Variants in NCKAP5 observed in about 807,000 individuals in gnomAD.
NCKAP5 encodes NCK associated protein 5.
Under a neutral mutation model 167.0 loss-of-function variants are expected in NCKAP5, and 92 were observed. The ratio of observed to expected loss-of-function variants is 0.55; its 90% CI spans 0.47 to 0.66. The LOEUF (loss-of-function observed/expected upper bound fraction) is 0.66. NCKAP5 is among the 30% of genes least tolerant of loss of function. NCKAP5 has a pLI of 0.00. For synonymous variants in NCKAP5, 891 were observed against 877.4 expected (o/e 1.02, Z -0.27); for missense variants, 2,378 against 2,315.0 (o/e 1.03, Z -0.56).
At chr2:132,881,629 G>T (rs928639944) in intron 8 of NCKAP5, among the ~76,000 whole-genome samples, 1 of 146,094 alleles carries the variant, frequency 6.8e-6, no homozygotes, top group Non-Finnish European at 1.5e-5. Context: ...GGCTTCTCTG[G>T]AGCTCCCTCA....
intron 11 of NCKAP5, among the ~76,000 whole-genome samples, chr2:132,805,193 A>G (rs2105227172): frequency 6.6e-6 from 1 of 152,156 alleles, no homozygotes; most frequent in African/African-American, 2.4e-5. Flanking sequence ...TTATCCTTTT[A>G]AATCCTCATT....
At position 132,712,483 on chromosome 2, in the gene NCKAP5, T is replaced by C. The variant is rs148730449; in HGVS notation, c.5713+13144A>G. ...TGGCTAACACAGTGAAACCCCGTCTTTACTAAAAATACAAAAAAATTAGCC... is the reference window on the plus strand; with the variant it reads ...TGGCTAACACAGTGAAACCCCGTCTCTACTAAAAATACAAAAAAATTAGCC... On this transcript the variant is annotated intron_variant, in intron 19 of 19. Coordinates refer to ENST00000409261, the MANE Select transcript of NCKAP5 (RefSeq NM_207363.3). Among the ~76,000 whole-genome samples, 373 of 151,936 alleles carry C rather than the reference T, an allele frequency of 2.5e-3. 1 individual carries two copies. The highest frequency in any genetic ancestry group is 6.2e-3 in the East Asian group (32 of 5,140).
At chr2:133,488,515 A>T (rs576951746) in intron 3 of NCKAP5, among the ~76,000 whole-genome samples, 1 of 152,258 alleles carries the variant, frequency 6.6e-6, no homozygotes, top group Admixed American at 6.5e-5. Flanking sequence ...ACATTTTTCC[A>T]TCCAGTCTAG....
chr2:132,717,057 T>A (rs1001816772), intron 19 of NCKAP5, among the ~76,000 whole-genome samples: 4 of 152,160 alleles, frequency 2.6e-5, no homozygotes, highest in African/African-American at 9.7e-5. Context: ...TTTTCTGATG[T>A]TGGATGAATA....
At chr2:132,843,920 CT>C (rs1353329420) in intron 11 of NCKAP5, among the ~76,000 whole-genome samples, 1 of 152,090 alleles carries the variant, frequency 6.6e-6, no homozygotes, top group Admixed American at 6.6e-5. Flanking sequence ...CTGAGACATA[CT>C]TTTTCCTTTA....
In NCKAP5 at chr2:132,987,396, A is replaced by G. The variant is rs141881514; in HGVS notation, c.429+6756T>C. On this transcript the variant is annotated intron_variant, in intron 7 of 19. Coordinates refer to ENST00000409261, the MANE Select transcript of NCKAP5 (RefSeq NM_207363.3). Reference sequence around the variant, plus strand: ...GTGCTTTCCACATACCATAAAAGGAACTGGATATATATTTCATGATTGATA... The same window carrying G: ...GTGCTTTCCACATACCATAAAAGGAGCTGGATATATATTTCATGATTGATA... Among the ~76,000 whole-genome samples, 489 of 152,310 alleles carry G rather than the reference A, an allele frequency of 3.2e-3. 3 individuals are homozygous for G. The highest frequency in any genetic ancestry group is 0.011 in the African/African-American group (468 of 41,580).
intron 11 of NCKAP5, among the ~76,000 whole-genome samples, chr2:132,806,404 G>T (rs921840744): frequency 2.0e-5 from 3 of 151,886 alleles, no homozygotes; most frequent in Non-Finnish European, 4.4e-5. Flanking sequence ...GTGTAGAAGT[G>T]TTCCCTGTTC....
chr2:133,563,500 C>T (rs931313681), intron 1 of NCKAP5, among the ~76,000 whole-genome samples: 21 of 124,112 alleles, frequency 1.7e-4, no homozygotes, highest in African/African-American at 6.1e-4. Flanking sequence ...ACCAGGGAGT[C>T]AGAGGTTGCA....
At chr2:133,284,475 T>C (rs1356583286) in intron 4 of NCKAP5, among the ~76,000 whole-genome samples, 1 of 152,194 alleles carries the variant, frequency 6.6e-6, no homozygotes, top group Non-Finnish European at 1.5e-5. Context: ...ATCAAAGAAG[T>C]CCTTGCTTTG....
intron 3 of NCKAP5, among the ~76,000 whole-genome samples, chr2:133,513,233 CATAG>C (rs1683652546): frequency 6.6e-6 from 1 of 152,192 alleles, no homozygotes; most frequent in Non-Finnish European, 1.5e-5. Context: ...GGTGCCAGAA[CATAG>C]ATAGAGCAGT....
chr2:132,859,204 A>T (rs1238087975), intron 11 of NCKAP5, among the ~76,000 whole-genome samples: 2 of 152,184 alleles, frequency 1.3e-5, no homozygotes, highest in Non-Finnish European at 2.9e-5. Flanking sequence ...AGGAGATGAG[A>T]TCTATTTTAT....
At position 132,780,958 on chromosome 2, in the gene NCKAP5, C is replaced by G. The variant is rs1682978283; in HGVS notation, c.5049+94G>C. On this transcript the variant is annotated intron_variant, in intron 15 of 19. Coordinates refer to ENST00000409261, the MANE Select transcript of NCKAP5 (RefSeq NM_207363.3). ...CTTTTCTTTCCCCCAGTTGCAATCT[C>G]TTACCCATACATTTTCATTAGCAAA... 6 of 1,291,190 alleles carry G rather than the reference C, an allele frequency of 4.6e-6. No individual in the cohort carries two copies. In the South Asian group the frequency reaches 6.2e-5, roughly 13 times the overall value. The allele number at this position is 1,291,190 out of a possible 1,614,324, so 80.0% of individuals were successfully genotyped here. A position where few individuals can be genotyped will look rare whatever the true frequency, so the allele number is the denominator to read the frequency against.
chr2:133,466,345 C>T (rs1212836788), intron 3 of NCKAP5, among the ~76,000 whole-genome samples: 7 of 150,074 alleles, frequency 4.7e-5, no homozygotes, highest in Admixed American at 2.7e-4. Context: ...TTTCTGAGGG[C>T]TCTGTTCTGT....
chr2:133,674,385 G>A, the NCKAP5 span, among the ~76,000 whole-genome samples: 4 of 152,158 alleles, frequency 2.6e-5, no homozygotes, highest in Non-Finnish European at 5.9e-5. Context: ...CCAGGCACCT[G>A]GATACACAGC....
At position 132,976,515 on chromosome 2, in the gene NCKAP5, G is replaced by A. The variant is rs1028534289; in HGVS notation, c.430-12646C>T. The stretch of plus-strand genomic sequence containing the variant: ...GGAGTCGGAGGTTGCAGTGAGCTGA[G>A]ATGGCGCCACTGCACTCCAGCCTGG... On this transcript the variant is annotated intron_variant, in intron 7 of 19. Transcript: ENST00000409261. 2.8e-5 allele frequency among the ~76,000 whole-genome samples: 4 copies of A among 144,940 alleles called. No individual in the cohort carries two copies. The East Asian group carries it at 8.2e-4, about 30-fold the overall frequency.
chr2:133,319,108 C>T (rs1367530881), intron 3 of NCKAP5, among the ~76,000 whole-genome samples: 1 of 152,052 alleles, frequency 6.6e-6, no homozygotes, highest in African/African-American at 2.4e-5. Flanking sequence ...CAAATTAACC[C>T]ATCATTACAA....
chr2:133,238,337 A>C (rs548321310), intron 4 of NCKAP5, among the ~76,000 whole-genome samples: 67 of 152,298 alleles, frequency 4.4e-4, no homozygotes, highest in Non-Finnish European at 8.8e-4. Context: ...GGTCATGGCG[A>C]AGGCAGTGGC....
intron 11 of NCKAP5, among the ~76,000 whole-genome samples, chr2:132,803,811 A>G (rs1685222326): frequency 6.6e-6 from 1 of 152,206 alleles, no homozygotes. Flanking sequence ...GAGCTATGAG[A>G]GACTCAAGGA....
intron 2 of NCKAP5, among the ~76,000 whole-genome samples, chr2:133,523,239 G>C (rs966978858): frequency 2.6e-5 from 4 of 151,366 alleles, no homozygotes; most frequent in African/African-American, 9.7e-5. Flanking sequence ...ATTTTCAAGA[G>C]AGTAACAAAA....
Sources: gnomAD v4.1 joint callset for allele counts (sites outside exome capture counted in the v4.1 genomes callset) on GRCh38, gnomAD v4.1.1 for gene constraint, MANE v1.5 for transcripts, NCBI Gene and HGNC (gene_info 2026-07-23, HGNC 2026-07-21) for gene names.